The following ADGRV1 variants were observed in gnomAD, a reference collection of about 807,000 sequenced individuals.
ADGRV1 encodes adhesion G protein-coupled receptor V1, also known as G-protein coupled receptor 98.
A neutral mutation model predicts 596.2 loss-of-function variants in ADGRV1; 359 were observed. The observed-to-expected ratio is 0.60, with a 90% CI of 0.55 to 0.66. The LOEUF (loss-of-function observed/expected upper bound fraction) is 0.66. Among genes scored for constraint, ADGRV1 ranks in the 30% least tolerant of loss-of-function variants. The pLI is 0.00. For synonymous variants in ADGRV1, 2,681 were observed against 2,679.2 expected (o/e 1.00, Z -0.02); for missense variants, 7,274 against 7,575.6 (o/e 0.96, Z 1.48).
Position 90,791,319 on chromosome 5 carries a change from A to T in ADGRV1, c.14490A>T (p.Lys4830Asn). The T allele has an allele frequency of 6.3e-7, 1 of 1,576,650 alleles. No homozygotes were observed. Among genetic ancestry groups the T allele is most frequent in the Non-Finnish European group, 8.6e-7 (1 of 1,159,874 alleles). Reference sequence around the variant, plus strand: ...TGGTCAAAGATGGTGCCACATATAAAGTGGACGTGGTGCCAATAAAGAATC... The same window carrying T: ...TGGTCAAAGATGGTGCCACATATAATGTGGACGTGGTGCCAATAAAGAATC... Reference protein sequence around the residue: ...QLVVKDGATYKVDVVPIKNQV... With the variant: ...QLVVKDGATYNVDVVPIKNQV... The change falls in exon 70 of 90, where the codon AAA (lysine) becomes AAT (asparagine). Residue 4830 changes from lysine (K) to asparagine (N), a missense_variant. Physicochemically the swap from Lys to Asn is moderately conservative, Grantham distance 94. Around this residue, in one of 5 missense-constraint regions of ADGRV1, gnomAD observed 1,874 missense variants for 1,970.2 expected, o/e 0.95. Transcript: ENST00000405460.
chr5:91,103,121 G>A (rs1296037705), intron 87 of ADGRV1, among the ~76,000 whole-genome samples: 1 of 152,254 alleles, frequency 6.6e-6, no homozygotes, highest in East Asian at 1.9e-4. Context: ...CAGAATTGTA[G>A]CATACAATTG....
intron 83 of ADGRV1, among the ~76,000 whole-genome samples, chr5:90,892,206 T>C (rs573220966): frequency 6.6e-6 from 1 of 152,232 alleles, no homozygotes; most frequent in South Asian, 2.1e-4. Flanking sequence ...CACCTTTCCA[T>C]CATATTTCTT....
At chr5:91,105,066 G>A (rs887717640) in intron 87 of ADGRV1, among the ~76,000 whole-genome samples, 15 of 151,680 alleles carry the variant, frequency 9.9e-5, no homozygotes, top group Admixed American at 6.6e-4. Context: ...ACAGGGTTTC[G>A]CCATGTTTCC....
chr5:90,865,528 G>C (rs929824955), intron 83 of ADGRV1, among the ~76,000 whole-genome samples: 7 of 152,164 alleles, frequency 4.6e-5, no homozygotes, highest in African/African-American at 1.7e-4. Flanking sequence ...GGACAAAACG[G>C]TTAGTCATAT....
At chr5:91,081,310 T>C (rs1236581404) in intron 86 of ADGRV1, among the ~76,000 whole-genome samples, 1 of 152,136 alleles carries the variant, frequency 6.6e-6, no homozygotes, top group Non-Finnish European at 1.5e-5. Flanking sequence ...AGGAAACAAT[T>C]CAGTCCATAG....
chr5:90,884,110 G>C (rs80030665), intron 83 of ADGRV1, among the ~76,000 whole-genome samples: 1,979 of 152,214 alleles, frequency 0.013, 30 homozygotes, highest in African/African-American at 0.046. Flanking sequence ...CTTAGACTAG[G>C]ATTTCTCAAC....
Position 90,777,957 on chromosome 5 carries a change from T to G in ADGRV1, c.12580T>G (p.Phe4194Val). ...GGAGGTCACAGTGTTCTGGAGGATA[T>G]TCCCTCCTTCCGTGGGGGAATTTGC... ...LGEVTVFWRI[F>V]PPSVGEFAET... The change falls in exon 62 of 90, where the codon TTC (phenylalanine) becomes GTC (valine). Residue 4194 changes from phenylalanine (F) to valine (V), a missense_variant. This residue lies in a region of ADGRV1 where 3,643 missense variants were observed against 3,809.2 expected (regional missense o/e 0.96). Transcript: ENST00000405460. 3 of 1,612,326 alleles carry G rather than the reference T, an allele frequency of 1.9e-6. No homozygotes were observed. The highest frequency in any genetic ancestry group is 2.5e-6 in the Non-Finnish European group (3 of 1,179,136).
intron 85 of ADGRV1, among the ~76,000 whole-genome samples, chr5:91,036,924 C>A (rs967458329): frequency 6.6e-6 from 1 of 152,120 alleles, no homozygotes; most frequent in Non-Finnish European, 1.5e-5. Flanking sequence ...ACTTAGATGA[C>A]CTTTTTGTTG....
chr5:90,844,585 G>C (rs1022385623), intron 78 of ADGRV1, among the ~76,000 whole-genome samples: 3 of 152,174 alleles, frequency 2.0e-5, no homozygotes, highest in African/African-American at 7.2e-5. Flanking sequence ...AATAGCAAGA[G>C]CAGTCTAAAA....
At chr5:90,928,324 C>A (rs1459595145) in intron 83 of ADGRV1, among the ~76,000 whole-genome samples, 1 of 151,876 alleles carries the variant, frequency 6.6e-6, no homozygotes, top group East Asian at 1.9e-4. Context: ...GGAGGCTTTG[C>A]TCGTTTCTTT....
chr5:91,035,861 T>TAATATATATA lies in ADGRV1; in HGVS notation c.18153-36586_18153-36585insAATATATATA. On this transcript the variant is annotated intron_variant, in intron 85 of 89. Coordinates refer to ENST00000405460, the MANE Select transcript of ADGRV1 (RefSeq NM_032119.4). ...ATGAGTGTGTATATATATATATATA[T>TAATATATATA]TATATATATATATATATATATCTTA... Among the ~76,000 whole-genome samples, 11 of 96,398 alleles carry TAATATATATA rather than the reference T, an allele frequency of 1.1e-4. 1 individual carries two copies. The highest frequency in any genetic ancestry group is 1.9e-4 in the African/African-American group (5 of 26,334). The allele number at this position is 96,398 out of a possible 152,430, so 63.2% of individuals were successfully genotyped here. A position where few individuals can be genotyped will look rare whatever the true frequency, so the allele number is the denominator to read the frequency against.
Position 90,690,776 on chromosome 5 carries a change from T to G in ADGRV1, c.6707-21T>G, listed in dbSNP as rs773191718. ...GTTTCACTTTGTATTTGAAATGAACTCTGCTCTGTCTACCCTTCAGGTTTT... is the reference window on the plus strand; with the variant it reads ...GTTTCACTTTGTATTTGAAATGAACGCTGCTCTGTCTACCCTTCAGGTTTT... On this transcript the variant is annotated intron_variant, in intron 30 of 89. Coordinates refer to ENST00000405460, the MANE Select transcript of ADGRV1 (RefSeq NM_032119.4). 2.5e-6 allele frequency: 4 copies of G among 1,581,442 alleles called. No individual in the cohort carries two copies. In the South Asian group the frequency reaches 3.4e-5, roughly 14 times the overall value.
At chr5:90,950,002 T>C (rs1375874676) in intron 83 of ADGRV1, among the ~76,000 whole-genome samples, 1 of 152,204 alleles carries the variant, frequency 6.6e-6, no homozygotes, top group African/African-American at 2.4e-5. Context: ...GGTTTGTCCA[T>C]GATCCCTATC....
chr5:91,036,361 C>T (rs1315485092), intron 85 of ADGRV1, among the ~76,000 whole-genome samples: 2 of 151,962 alleles, frequency 1.3e-5, no homozygotes, highest in Non-Finnish European at 2.9e-5. Context: ...AGATCGAGAC[C>T]ATCCTGGCTA....
At chr5:90,941,975 A>G (rs1776201342) in intron 83 of ADGRV1, among the ~76,000 whole-genome samples, 1 of 152,314 alleles carries the variant, frequency 6.6e-6, no homozygotes, top group East Asian at 1.9e-4. Context: ...CAAGAAAACC[A>G]TGTTCTTTAT....
chr5:90,919,417 T>C (rs1046902393), intron 83 of ADGRV1, among the ~76,000 whole-genome samples: 1 of 152,224 alleles, frequency 6.6e-6, no homozygotes, highest in African/African-American at 2.4e-5. Context: ...GTGTAGTTGA[T>C]ACATATAAAA....
chr5:90,932,786 G>C (rs980780986), intron 83 of ADGRV1, among the ~76,000 whole-genome samples: 1 of 145,238 alleles, frequency 6.9e-6, no homozygotes, highest in Admixed American at 7.3e-5. Flanking sequence ...ATATAGGCTT[G>C]TCGTGAGTTG....
chr5:90,804,514 C>T (rs144826089), intron 71 of ADGRV1, among the ~76,000 whole-genome samples: 23 of 152,240 alleles, frequency 1.5e-4, no homozygotes, highest in African/African-American at 4.3e-4. Context: ...AGTTATCCTG[C>T]GGAACCCTCT....
At position 90,928,535 on chromosome 5, in the gene ADGRV1, A is replaced by G. The variant is rs1211688652; in HGVS notation, c.17857-36880A>G. ...GCTTATTCTAGTTATACATTCTTCT[A>G]AATTTTTTTCAAAGTTTTCAACTTC... On this transcript the variant is annotated intron_variant, in intron 83 of 89. Transcript: ENST00000405460. Among the ~76,000 whole-genome samples the G allele has an allele frequency of 2.0e-5, 3 of 150,466 alleles. No homozygotes were observed. The East Asian group carries it at 5.9e-4, about 29-fold the overall frequency.
Sources: allele counts gnomAD v4.1 joint callset (sites outside exome capture counted in the v4.1 genomes callset), GRCh38; gene constraint gnomAD v4.1.1; regional missense constraint gnomAD v4.1.1; transcripts MANE v1.5; gene names NCBI Gene and HGNC (gene_info 2026-07-23, HGNC 2026-07-21).